The following LRRTM4 variants were observed in gnomAD, a reference collection of about 807,000 sequenced individuals.
The protein encoded by LRRTM4 is leucine-rich repeat transmembrane neuronal protein 4.
A neutral mutation model predicts 47.6 loss-of-function variants in LRRTM4; 25 were observed. The ratio of observed to expected loss-of-function variants is 0.53; its 90% CI spans 0.38 to 0.73. The LOEUF is 0.73. Among genes scored for constraint, LRRTM4 ranks in the 30% least tolerant of loss-of-function variants. The pLI, the probability that LRRTM4 is intolerant of heterozygous loss-of-function variation, is 0.00. For synonymous variants in LRRTM4, 311 were observed against 269.5 expected (o/e 1.15, Z -1.51); for missense variants, 638 against 713.4 (o/e 0.89, Z 1.20).
chr2:77,459,824 C>T (rs1166602631), intron 3 of LRRTM4, among the ~76,000 whole-genome samples: 1 of 149,124 alleles, frequency 6.7e-6, no homozygotes, highest in Non-Finnish European at 1.5e-5. Context: ...CAAACAACAC[C>T]TTACCATCAA....
intron 3 of LRRTM4, among the ~76,000 whole-genome samples, chr2:77,439,661 T>C (rs1675754598): frequency 6.6e-6 from 1 of 152,218 alleles, no homozygotes; most frequent in African/African-American, 2.4e-5. Context: ...AATAAGGTTA[T>C]ATTTGAAAGT....
intron 3 of LRRTM4, among the ~76,000 whole-genome samples, chr2:76,805,131 A>C (rs1675904818): frequency 1.3e-5 from 2 of 152,296 alleles, no homozygotes; most frequent in Middle Eastern, 3.4e-3. Context: ...GACAGGAATC[A>C]AGGCCCTTAA....
chr2:76,835,699 A>G (rs555547762), intron 3 of LRRTM4, among the ~76,000 whole-genome samples: 34 of 152,176 alleles, frequency 2.2e-4, no homozygotes, highest in South Asian at 2.1e-4. Context: ...TTGCACATTT[A>G]TTTAGGTATA....
chr2:76,916,860 A>T (rs1344880831), intron 3 of LRRTM4, among the ~76,000 whole-genome samples: 1 of 152,226 alleles, frequency 6.6e-6, no homozygotes, highest in East Asian at 1.9e-4. Context: ...ATTTCCAGCT[A>T]ATTTAAGTCC....
rs376107829 is a variant in LRRTM4, at chr2:77,016,258, C to T, written c.1552-267342G>A. ...AAAATTAGCTGGGCGTGGTGGCAGG[C>T]GCCTGTAGTCCCAGCTACTTGGGAG... is the stretch of plus-strand genomic sequence containing the variant. On this transcript the variant is annotated intron_variant, in intron 3 of 3. Transcript: ENST00000409884. Among the ~76,000 whole-genome samples the T allele has an allele frequency of 6.6e-5, 10 of 151,386 alleles. No homozygotes were observed. The South Asian group carries it at 1.3e-3, about 19-fold the overall frequency.
At chr2:77,144,076 G>C (rs770887763) in intron 3 of LRRTM4, among the ~76,000 whole-genome samples, 1 of 152,246 alleles carries the variant, frequency 6.6e-6, no homozygotes, top group South Asian at 2.1e-4. Context: ...AGGAGAAGTT[G>C]AGCTGTGATG....
chr2:77,274,490 C>T (rs1676288660), intron 3 of LRRTM4, among the ~76,000 whole-genome samples: 1 of 152,062 alleles, frequency 6.6e-6, no homozygotes, highest in African/African-American at 2.4e-5. Context: ...CTTCCAATGT[C>T]ATATCAGAAA....
intron 3 of LRRTM4, among the ~76,000 whole-genome samples, chr2:77,027,775 A>C (rs183520300): frequency 1.4e-4 from 22 of 152,284 alleles, no homozygotes; most frequent in Admixed American, 3.9e-4. Context: ...TTTGAATTAC[A>C]ATGAGCATTA....
rs564666514 is a variant in LRRTM4 at position 76,764,572 on chromosome 2, A to G, written c.1552-15656T>C. Among the ~76,000 whole-genome samples the G allele has an allele frequency of 3.9e-5, 6 of 152,330 alleles. No homozygotes were observed. The South Asian group carries it at 1.2e-3, about 32-fold the overall frequency. ...CATGAACCCGGGAGGCGGAGCTTGC[A>G]GTGAGCCGTGATAGAACTACTACAC... On this transcript the variant is annotated intron_variant, in intron 3 of 3. Transcript: ENST00000409884.
rs1673861203 is a variant in LRRTM4 at position 76,906,923 on chromosome 2, C to T, written c.1552-158007G>A. On this transcript the variant is annotated intron_variant, in intron 3 of 3. Transcript: ENST00000409884. ...GGAGACTTTAACACCCCACTGTCAACATTAGACAGATCAATGAGACAGAAA... is the reference window on the plus strand; with the variant it reads ...GGAGACTTTAACACCCCACTGTCAATATTAGACAGATCAATGAGACAGAAA... Among the ~76,000 whole-genome samples, 10 of 151,870 alleles carry T rather than the reference C, an allele frequency of 6.6e-5. No individual in the cohort carries two copies. In the South Asian group the frequency reaches 2.1e-3, roughly 32 times the overall value.
At chr2:77,291,860 T>G (rs1266097999) in intron 3 of LRRTM4, among the ~76,000 whole-genome samples, 3 of 151,964 alleles carry the variant, frequency 2.0e-5, no homozygotes, top group Non-Finnish European at 4.4e-5. Context: ...CTAATTAAAC[T>G]AAAGAGCTTC....
intron 3 of LRRTM4, among the ~76,000 whole-genome samples, chr2:77,378,450 A>C (rs1388386633): frequency 6.6e-6 from 1 of 152,102 alleles, no homozygotes; most frequent in African/African-American, 2.4e-5. Flanking sequence ...TCTCTATATA[A>C]GATTTTGGGA....
At chr2:76,870,620 A>G (rs1672596989) in intron 3 of LRRTM4, among the ~76,000 whole-genome samples, 1 of 152,134 alleles carries the variant, frequency 6.6e-6, no homozygotes, top group Admixed American at 6.5e-5. Flanking sequence ...ACCTTTCCTA[A>G]TATCTCTACA....
intron 3 of LRRTM4, among the ~76,000 whole-genome samples, chr2:76,873,508 A>ATG (rs1377659980): frequency 6.1e-4 from 46 of 75,152 alleles, no homozygotes; most frequent in Middle Eastern, 7.2e-3. Context: ...ATATGTGTGT[A>ATG]TATATATATA....
At chr2:77,137,493 A>G (rs1671980510) in intron 3 of LRRTM4, among the ~76,000 whole-genome samples, 1 of 151,622 alleles carries the variant, frequency 6.6e-6, no homozygotes, top group Non-Finnish European at 1.5e-5. Flanking sequence ...ATGGAAAGGA[A>G]CAATCAGTAC....
At chr2:77,398,282 A>G (rs1673783052) in intron 3 of LRRTM4, among the ~76,000 whole-genome samples, 1 of 152,076 alleles carries the variant, frequency 6.6e-6, no homozygotes, top group African/African-American at 2.4e-5. Flanking sequence ...AAGAATGCTA[A>G]AACAGGTCTA....
chr2:77,212,563 A>G (rs961332219), intron 3 of LRRTM4, among the ~76,000 whole-genome samples: 10 of 150,514 alleles, frequency 6.6e-5, no homozygotes, highest in African/African-American at 2.2e-4. Context: ...ATATATATAT[A>G]TATTCTCTCT....
chr2:77,333,146 T>C lies in LRRTM4; in HGVS notation c.1551+185172A>G, dbSNP rs142061645. 3.3e-3 allele frequency among the ~76,000 whole-genome samples: 508 copies of C among 152,352 alleles called. 1 individual carries two copies. The highest frequency in any genetic ancestry group is 0.012 in the African/African-American group (489 of 41,580). On this transcript the variant is annotated intron_variant, in intron 3 of 3. Coordinates refer to ENST00000409884, the MANE Select transcript of LRRTM4 (RefSeq NM_001134745.3). Reference sequence around the variant, plus strand: ...CATTATTGTGAGGACTTCCCAGCCATGTGGAACTGTAAGTCCACATCTTTT... The same window carrying C: ...CATTATTGTGAGGACTTCCCAGCCACGTGGAACTGTAAGTCCACATCTTTT...
rs151201678 is a variant in LRRTM4, at chr2:76,864,652, C to T, written c.1552-115736G>A. ...TCCAGCCTGGGCAACAAGAGTGAAA[C>T]TCCATCCCAAAAAAAAAAAAAAAAT... On this transcript the variant is annotated intron_variant, in intron 3 of 3. Transcript: ENST00000409884. Among the ~76,000 whole-genome samples the T allele has an allele frequency of 2.2e-3, 319 of 147,486 alleles. 2 individuals carry two copies. Among genetic ancestry groups the T allele is most frequent in the African/African-American group, 7.2e-3 (284 of 39,446 alleles).
Sources: allele counts gnomAD v4.1 joint callset (sites outside exome capture counted in the v4.1 genomes callset), GRCh38; gene constraint gnomAD v4.1.1; transcripts MANE v1.5; gene names NCBI Gene and HGNC (gene_info 2026-07-23, HGNC 2026-07-21).